CSMD1: variants seen among roughly 807,000 people sequenced by gnomAD.
CSMD1 encodes the protein CUB and Sushi multiple domains 1, also known as CUB and sushi domain-containing protein 1.
Under a neutral mutation model 417.5 loss-of-function variants are expected in CSMD1, and 213 were observed. That is an observed-to-expected ratio of 0.51 (90% CI 0.46 to 0.57). The LOEUF is 0.57. CSMD1 is among the 20% of genes least tolerant of loss of function. The pLI is 0.00. For missense variants in CSMD1, 6,923 were observed against 4,529.7 expected (o/e 1.53, Z -15.17); for synonymous variants, 2,862 against 1,736.8 (o/e 1.65, Z -16.11).
chr8:3,390,785 A>G (rs57298419), intron 17 of CSMD1, among the ~76,000 whole-genome samples: 71,816 of 151,874 alleles, frequency 0.47, 17,423 homozygotes, highest in African/African-American at 0.57. Context: ...TGATATGAGC[A>G]GGGTTCTGTA....
At chr8:4,865,040 T>C (rs1802347017) in intron 1 of CSMD1, among the ~76,000 whole-genome samples, 1 of 151,652 alleles carries the variant, frequency 6.6e-6, no homozygotes, top group African/African-American at 2.4e-5. Flanking sequence ...GTTTGCTTTA[T>C]TTTTTAAATT....
At chr8:4,298,507 G>A (rs975460160) in intron 3 of CSMD1, among the ~76,000 whole-genome samples, 59 of 152,024 alleles carry the variant, frequency 3.9e-4, no homozygotes, top group African/African-American at 1.4e-3. Context: ...TACCTTAAAA[G>A]CCCTGACTTG....
At chr8:3,169,757 C>A (rs1011590259) in intron 37 of CSMD1, among the ~76,000 whole-genome samples, 1 of 152,122 alleles carries the variant, frequency 6.6e-6, no homozygotes, top group East Asian at 1.9e-4. Flanking sequence ...AGATATAGCA[C>A]GGTTTCTTTT....
chr8:3,922,485 T>C (rs1809345857), intron 5 of CSMD1, among the ~76,000 whole-genome samples: 1 of 152,116 alleles, frequency 6.6e-6, no homozygotes, highest in South Asian at 2.1e-4. Context: ...CTTTCATAAT[T>C]TGATAATTTT....
intron 25 of CSMD1, among the ~76,000 whole-genome samples, chr8:3,299,839 G>T (rs905096051): frequency 6.6e-6 from 1 of 152,162 alleles, no homozygotes; most frequent in African/African-American, 2.4e-5. Flanking sequence ...GGACTGAAAA[G>T]CCTTTGTCCA....
At chr8:4,115,964 TTTTATTTATTTATTTA>T (rs35791469) in intron 3 of CSMD1, among the ~76,000 whole-genome samples, 6,430 of 134,262 alleles carry the variant, frequency 0.048, 183 homozygotes, top group Non-Finnish European at 0.056. Context: ...GTTTTCATTA[TTTTATTTATTTATTTA>T]TTTATTTATT....
chr8:2,957,620 C>T (rs1469932123), intron 63 of CSMD1, 76 bp downstream of exon 63: 3 of 962,732 alleles, frequency 3.1e-6, no homozygotes, highest in African/African-American at 3.3e-5. Flanking sequence ...TCATTATTTC[C>T]CTTAGTGGTA....
intron 5 of CSMD1, among the ~76,000 whole-genome samples, chr8:3,873,988 T>C (rs1231636583): frequency 6.6e-6 from 1 of 152,164 alleles, no homozygotes; most frequent in African/African-American, 2.4e-5. Flanking sequence ...CATAGGTCTG[T>C]TTATACACAC....
At chr8:4,517,349 T>A (rs1198261668) in intron 2 of CSMD1, among the ~76,000 whole-genome samples, 1 of 152,196 alleles carries the variant, frequency 6.6e-6, no homozygotes, top group East Asian at 1.9e-4. Context: ...GTTGCTAATT[T>A]GCTGTCAGTG....
chr8:4,039,852 A>G (rs997842187), intron 3 of CSMD1, among the ~76,000 whole-genome samples: 7 of 152,216 alleles, frequency 4.6e-5, no homozygotes, highest in Non-Finnish European at 5.9e-5. Context: ...TCTGCTCCAG[A>G]AAGTGATTTT....
intron 2 of CSMD1, among the ~76,000 whole-genome samples, chr8:4,620,766 C>G (rs1801733516): frequency 6.6e-6 from 1 of 151,550 alleles, no homozygotes; most frequent in Admixed American, 6.6e-5. Flanking sequence ...TGGAGGGAAA[C>G]ATAGCATTAA....
intron 7 of CSMD1, among the ~76,000 whole-genome samples, chr8:3,661,848 C>T (rs1391594412): frequency 6.6e-6 from 1 of 152,044 alleles, no homozygotes; most frequent in African/African-American, 2.4e-5. Flanking sequence ...AAACAAGCCA[C>T]CCTTTAGATC....
Position 4,912,866 on chromosome 8 carries a change from A to G in CSMD1, c.85+81466T>C, listed in dbSNP as rs150500811. Among the ~76,000 whole-genome samples the G allele has an allele frequency of 4.7e-3, 713 of 151,558 alleles. 8 individuals are homozygous for G. The highest frequency in any genetic ancestry group is 0.016 in the African/African-American group (659 of 41,256). On this transcript the variant is annotated intron_variant, in intron 1 of 69. Coordinates refer to ENST00000635120, the MANE Select transcript of CSMD1 (RefSeq NM_033225.6). ...AGTGGTGCAACCTTGGCTTACTACA[A>G]CCTCCACCTCCTGGGTTCAAGTAAT... is the stretch of plus-strand genomic sequence containing the variant.
chr8:4,679,224 T>C (rs1398631403), intron 1 of CSMD1, among the ~76,000 whole-genome samples: 2 of 152,184 alleles, frequency 1.3e-5, no homozygotes, highest in East Asian at 3.9e-4. Flanking sequence ...CCTGGACACA[T>C]GGCACTGTTG....
chr8:4,131,043 G>C (rs1285749022), intron 3 of CSMD1, among the ~76,000 whole-genome samples: 24 of 152,098 alleles, frequency 1.6e-4, no homozygotes, highest in Admixed American at 1.6e-3. Flanking sequence ...AGCGTGATTG[G>C]ATTTGTCCTA....
In CSMD1 at chr8:3,335,302, G is replaced by A. The variant is rs150260912; in HGVS notation, c.3631+7992C>T. On this transcript the variant is annotated intron_variant, in intron 23 of 69. Transcript: ENST00000635120. ...TGATGACCGTGCCATGAAGAGCACA[G>A]TGACAGGATCAATTTCCCCTCCATC... Among the ~76,000 whole-genome samples the A allele has an allele frequency of 9.8e-5, 15 of 152,312 alleles. No individual in the cohort carries two copies. The East Asian group carries it at 2.9e-3, about 29-fold the overall frequency.
intron 3 of CSMD1, among the ~76,000 whole-genome samples, chr8:4,392,663 TTA>T (rs760449670): frequency 0.012 from 1,755 of 142,068 alleles, 27 homozygotes; most frequent in Middle Eastern, 0.021. Context: ...ATTATTATTA[TTA>T]TTTTTTTTTG....
chr8:3,779,710 A>G (rs762030730), intron 5 of CSMD1, among the ~76,000 whole-genome samples: 12 of 146,992 alleles, frequency 8.2e-5, no homozygotes, highest in Non-Finnish European at 7.8e-5. Flanking sequence ...TCTAGCGCAT[A>G]TTTTATATCT....
intron 12 of CSMD1, among the ~76,000 whole-genome samples, chr8:3,466,980 C>T (rs1037410759): frequency 2.6e-5 from 4 of 151,954 alleles, no homozygotes; most frequent in Non-Finnish European, 5.9e-5. Flanking sequence ...ATTCTTTTGT[C>T]AAAGATAACA....
Sources: gnomAD v4.1 joint callset for allele counts (sites outside exome capture counted in the v4.1 genomes callset) on GRCh38, gnomAD v4.1.1 for gene constraint, MANE v1.5 for transcripts, NCBI Gene and HGNC (gene_info 2026-07-23, HGNC 2026-07-21) for gene names.